Variants in SPATA7 observed in about 807,000 individuals in gnomAD.
SPATA7 encodes the protein spermatogenesis-associated protein 7.
SPATA7 carries 43 observed loss-of-function variants against 51.8 expected under a neutral mutation model. That is an observed-to-expected ratio of 0.83 (90% confidence interval 0.65 to 1.07). The LOEUF (loss-of-function observed/expected upper bound fraction) is 1.07. Among genes scored for constraint, SPATA7 ranks in the 50% least tolerant of loss-of-function variants. The probability of loss-of-function intolerance (pLI) is 0.00; values close to 1 mark genes in which losing one functional copy is unlikely to be tolerated. For missense variants in SPATA7, 683 were observed against 701.3 expected (o/e 0.97, Z 0.30); for synonymous variants, 230 against 252.8 (o/e 0.91, Z 0.86).
In SPATA7 at chr14:88,469,710, A is replaced by G. The variant is rs768984641; in HGVS notation, c.255-137A>G. The G allele has an allele frequency of 2.5e-6, 4 of 1,614,076 alleles. No homozygotes were observed. The highest frequency in any genetic ancestry group is 1.3e-5 in the African/African-American group (1 of 74,932). On this transcript the variant is annotated intron_variant, in intron 4 of 4. Transcript: ENST00000556406. The surrounding 1 kb of genome is among the most constrained non-coding windows in gnomAD (Gnocchi z 4.3). ...TGGAACCAAGTCGTGGCCAGTACCT[A>G]AAGCTCTTCTCCCTTCCACCCTCCT...
intron 3 of SPATA7, among the ~76,000 whole-genome samples, chr14:88,451,099 C>T (rs905893887): frequency 1.3e-5 from 2 of 152,132 alleles, no homozygotes; most frequent in Admixed American, 1.3e-4. Flanking sequence ...TTGCTGAGAC[C>T]TTCCAATGCA....
At chr14:88,417,045 A>G (rs1417351020) in intron 5 of SPATA7, among the ~76,000 whole-genome samples, 1 of 152,164 alleles carries the variant, frequency 6.6e-6, no homozygotes, top group Non-Finnish European at 1.5e-5. Flanking sequence ...TACATAAATA[A>G]ATGAGTATAG....
At chr14:88,444,277 G>A (rs1416372043) in intron 3 of SPATA7, among the ~76,000 whole-genome samples, 2 of 152,168 alleles carry the variant, frequency 1.3e-5, no homozygotes, top group Non-Finnish European at 2.9e-5. Context: ...CTGCATAAAT[G>A]TCTTCTTTTG....
At chr14:88,468,079 CT>C (rs748590887) in intron 4 of SPATA7, 264 of 1,561,066 alleles carry the variant, frequency 1.7e-4, no homozygotes, top group Admixed American at 5.1e-4. Context: ...TAGGCAAGCG[CT>C]TTTTTTTTAA....
At chr14:88,450,645 G>A (rs2077243999) in intron 3 of SPATA7, among the ~76,000 whole-genome samples, 1 of 152,124 alleles carries the variant, frequency 6.6e-6, no homozygotes, top group Admixed American at 6.5e-5. Context: ...TTAGCTTGTA[G>A]GGTTTCGGCT....
At chr14:88,415,139 TA>T in intron 4 of SPATA7, 1 of 226,240 alleles carries the variant, frequency 4.4e-6, no homozygotes, top group South Asian at 5.6e-5. Context: ...AGGGTCTATC[TA>T]ACACTGCCAG....
chr14:88,469,445 CTGTT>C lies in SPATA7; in HGVS notation c.255-400_255-397del. On this transcript the variant is annotated intron_variant, in intron 4 of 4. Coordinates refer to the SPATA7 transcript ENST00000556406. This position sits in a 1 kb window ranked among gnomAD's most constrained non-coding sequence, Gnocchi z 4.3. ...ATTTCGGAAACATAAATGTTCCTCT[CTGTT>C]TAACACCTCCAGAGGCAGCTGTCCT... The C allele has an allele frequency of 7.1e-7, 1 of 1,405,536 alleles. No homozygotes were observed. The highest frequency in any genetic ancestry group is 1.0e-6 in the Non-Finnish European group (1 of 993,566). 87.1% of individuals were successfully genotyped at this position (1,405,536 alleles called of 1,614,324 possible).
At chr14:88,468,089 A>T in intron 4 of SPATA7, 1 of 1,598,146 alleles carries the variant, frequency 6.3e-7, no homozygotes, top group Non-Finnish European at 8.5e-7. Context: ...CTTTTTTTTT[A>T]AGCTGTAAAC....
intron 3 of SPATA7, chr14:88,455,022 G>T (rs1261437456): frequency 4.4e-6 from 2 of 454,866 alleles, no homozygotes; most frequent in Admixed American, 2.4e-5. Context: ...AAAATATTTA[G>T]ATCTGGGTCA....
At chr14:88,437,374 C>T (rs1337220173) in intron 10 of SPATA7, among the ~76,000 whole-genome samples, 169 bp from the exon 11 acceptor site, 3 of 151,998 alleles carry the variant, frequency 2.0e-5, no homozygotes, top group Non-Finnish European at 2.9e-5. Context: ...GAAGCAAATG[C>T]ATAATGGAAG....
At chr14:88,428,171 A>G (rs183692730) in intron 7 of SPATA7, 2 of 152,412 alleles carry the variant, frequency 1.3e-5, no homozygotes, top group East Asian at 3.8e-4. Context: ...TAGACCATGA[A>G]GCTGTTTATT....
In SPATA7 at chr14:88,392,112, G is replaced by C. The variant is rs566577380; in HGVS notation, c.94+657G>C. ...GCCTCACTTATTTCTTTGTATTACA[G>C]TGTATTTTTTAAAGTTTATGATTGT... On this transcript the variant is annotated intron_variant, in intron 2 of 11. Coordinates refer to ENST00000393545, the MANE Select transcript of SPATA7 (RefSeq NM_018418.5). Among the ~76,000 whole-genome samples, 70 of 152,118 alleles carry C rather than the reference G, an allele frequency of 4.6e-4. 1 individual carries two copies. In the South Asian group the frequency reaches 0.015, roughly 32 times the overall value.
chr14:88,453,497 AT>A (rs5810415), intron 3 of SPATA7, among the ~76,000 whole-genome samples: 83,504 of 151,968 alleles, frequency 0.55, 25,313 homozygotes, highest in Admixed American at 0.69. Context: ...AAGTGAACTA[AT>A]TAGCTGTATG....
At chr14:88,467,477 A>G (rs1304902050) in intron 4 of SPATA7, 2 of 151,274 alleles carry the variant, frequency 1.3e-5, no homozygotes, top group Non-Finnish European at 2.9e-5. Context: ...CATTTGAAAA[A>G]CAGAAGGTAC....
In SPATA7 at chr14:88,469,221, G is replaced by C. The variant is rs562288175; in HGVS notation, c.255-626G>C. 3 of 884,406 alleles carry C rather than the reference G, an allele frequency of 3.4e-6. No homozygotes were observed. The African/African-American group carries it at 5.1e-5, about 15-fold the overall frequency. 54.8% of individuals were successfully genotyped at this position (884,406 alleles called of 1,614,324 possible). On this transcript the variant is annotated intron_variant, in intron 4 of 4. Coordinates refer to the SPATA7 transcript ENST00000556406. This position sits in a 1 kb window ranked among gnomAD's most constrained non-coding sequence, Gnocchi z 4.3. The stretch of plus-strand genomic sequence containing the variant: ...AGTGAACCAAACCCAACCACAAAGG[G>C]ACAGTGTGACCCTGAGCAAGTCACT...
chr14:88,417,303 GGT>G (rs1491517922), intron 5 of SPATA7, among the ~76,000 whole-genome samples: 6 of 77,520 alleles, frequency 7.7e-5, no homozygotes, highest in Non-Finnish European at 1.7e-4. Flanking sequence ...TAATCTGTGG[GGT>G]TTTTTTTTTT....
At position 88,426,476 on chromosome 14, in the gene SPATA7, C is replaced by T; in HGVS notation, c.617C>T (p.Thr206Ile). ...GALYGRRPRS[T>I]FPNSHRFQLV... ...CTGTATGGCAGAAGGCCCAGAAGCA[C>T]ATTCCCAAATTCCCACCGGTTTCAG... The change falls in exon 6 of 12, where the codon ACA becomes ATA. Residue 206 changes from threonine to isoleucine, a missense_variant. Coordinates refer to ENST00000393545, the MANE Select transcript of SPATA7 (RefSeq NM_018418.5). The T allele has an allele frequency of 1.9e-6, 3 of 1,614,180 alleles. No homozygotes were observed. The highest frequency in any genetic ancestry group is 1.6e-4 in the Middle Eastern group (1 of 6,062).
intron 9 of SPATA7, among the ~76,000 whole-genome samples, chr14:88,432,218 T>G (rs2140012244): frequency 6.6e-6 from 1 of 152,270 alleles, no homozygotes; most frequent in African/African-American, 2.4e-5. Context: ...TTGTTTTAAT[T>G]AAGTTACTCT....
intron 3 of SPATA7, among the ~76,000 whole-genome samples, chr14:88,449,022 T>A (rs2077233241): frequency 6.6e-6 from 1 of 152,156 alleles, no homozygotes; most frequent in Non-Finnish European, 1.5e-5. Context: ...AGCTCTTTGT[T>A]TATCTTTTAT....
Sources: gnomAD v4.1 joint callset for allele counts (sites outside exome capture counted in the v4.1 genomes callset) on GRCh38, gnomAD v4.1.1 for gene constraint, Gnocchi (gnomAD v3.1) non-coding constraint, MANE v1.5 for transcripts, NCBI Gene and HGNC (gene_info 2026-07-23, HGNC 2026-07-21) for gene names.